Variants in CLDN11 observed in about 807,000 individuals in gnomAD.
CLDN11 encodes claudin-11.
A neutral mutation model predicts 18.0 loss-of-function variants in CLDN11; 1 was observed. The ratio of observed to expected loss-of-function variants is 0.06; its 90% CI spans 0.02 to 0.26. CLDN11 has a LOEUF of 0.26. Ranked by LOEUF, CLDN11 falls within the 10% of genes least tolerant of loss-of-function variation. The pLI is 1.00. For synonymous variants in CLDN11, 116 were observed against 121.5 expected, an observed-to-expected ratio of 0.96 and a Z score of 0.30; for missense variants, 172 against 276.6, an observed-to-expected ratio of 0.62 and a Z score of 2.68.
At chr3:170,429,724 T>C (rs1738949936) in intron 2 of CLDN11, among the ~76,000 whole-genome samples, 1 of 152,208 alleles carries the variant, frequency 6.6e-6, no homozygotes, top group Admixed American at 6.5e-5. Context: ...TAATCTTGTT[T>C]TATGATTTGC....
In CLDN11 at chr3:170,423,456, C is replaced by G. The variant is rs77953192; in HGVS notation, c.391+129C>G. 6.4e-4 allele frequency: 572 copies of G among 899,904 alleles called. No individual in the cohort carries two copies. In the African/African-American group the frequency reaches 8.7e-3, roughly 14 times the overall value. The allele number at this position is 899,904 out of a possible 1,614,324, so 55.7% of individuals were successfully genotyped here. On this transcript the variant is annotated intron_variant, in intron 2 of 2. Transcript: ENST00000064724. Reference sequence around the variant, plus strand: ...CCAAGTGAAGCCAGTGGGGGATGGACTCCCACAATCTGTATCCCTTTGTAT... The same window carrying G: ...CCAAGTGAAGCCAGTGGGGGATGGAGTCCCACAATCTGTATCCCTTTGTAT...
rs1253262184 is a variant in CLDN11, at chr3:170,423,759, G to A, written c.391+432G>A. 5 of 166,006 alleles carry A rather than the reference G, an allele frequency of 3.0e-5. No individual in the cohort carries two copies. The East Asian group carries it at 7.9e-4, about 26-fold the overall frequency. 10.3% of individuals were successfully genotyped at this position (166,006 alleles called of 1,614,324 possible). On this transcript the variant is annotated intron_variant, in intron 2 of 2. Transcript: ENST00000064724. ...GTGATGCTTATGTGCAGGCAAGACT[G>A]AGCAGCTCAGTTAATAAAGAAGGAG... is the stretch of plus-strand genomic sequence containing the variant.
Position 170,418,988 on chromosome 3 carries a change from G to A in CLDN11, c.-79G>A. ...CCAGCGGCTCGCGAGCGTGGGAGAC[G>A]TACCTGGGCAGGCACTGTCCAGCCC... is the stretch of plus-strand genomic sequence containing the variant. On this transcript the variant is annotated 5_prime_UTR_variant, in exon 1 of 3. Transcript: ENST00000064724. This position sits in a 1 kb window ranked among gnomAD's most constrained non-coding sequence, Gnocchi z 4.3. 1 of 1,077,878 alleles carries A rather than the reference G, an allele frequency of 9.3e-7. No homozygotes were observed. Among genetic ancestry groups the A allele is most frequent in the Admixed American group, 2.2e-5 (1 of 46,258 alleles). The allele number at this position is 1,077,878 out of a possible 1,614,324, so 66.8% of individuals were successfully genotyped here.
At chr3:170,426,827 G>T (rs1738865985) in intron 2 of CLDN11, among the ~76,000 whole-genome samples, 1 of 152,062 alleles carries the variant, frequency 6.6e-6, no homozygotes, top group South Asian at 2.1e-4. Context: ...TGTCGCCCAG[G>T]CTAGAGTGCA....
intron 1 of CLDN11, among the ~76,000 whole-genome samples, chr3:170,420,080 C>G (rs912781385): frequency 2.0e-5 from 3 of 152,154 alleles, no homozygotes; most frequent in Non-Finnish European, 2.9e-5. Flanking sequence ...GAGGGTCGCT[C>G]GCCGCCACCC....
chr3:170,425,880 A>G (rs918737662), intron 2 of CLDN11, among the ~76,000 whole-genome samples: 4 of 152,190 alleles, frequency 2.6e-5, no homozygotes, highest in Non-Finnish European at 5.9e-5. Flanking sequence ...TGTAAAGCTC[A>G]TTGTCTCAAG....
chr3:170,423,136 C>T, intron 1 of CLDN11, 27 bp from the exon 2 acceptor site: 1 of 1,613,874 alleles, frequency 6.2e-7, no homozygotes, highest in South Asian at 1.1e-5. Context: ...GTGGTCTAAC[C>T]TTTCCCATCT....
At chr3:170,426,431 C>T (rs1005689084) in intron 2 of CLDN11, among the ~76,000 whole-genome samples, 1 of 152,172 alleles carries the variant, frequency 6.6e-6, no homozygotes, top group African/African-American at 2.4e-5. Flanking sequence ...CTGTTTGTGG[C>T]TTTTCAAGAG....
At chr3:170,430,149 G>A (rs138979281) in intron 2 of CLDN11, among the ~76,000 whole-genome samples, 9 of 152,280 alleles carry the variant, frequency 5.9e-5, no homozygotes, top group Non-Finnish European at 8.8e-5. Flanking sequence ...GTATTGCTAC[G>A]GAAAATCTAC....
At chr3:170,422,149 A>G (rs1216225289) in intron 1 of CLDN11, among the ~76,000 whole-genome samples, 1 of 152,188 alleles carries the variant, frequency 6.6e-6, no homozygotes, top group Non-Finnish European at 1.5e-5. Flanking sequence ...GAGACAGCAA[A>G]GAGAGGAAGC....
intron 2 of CLDN11, among the ~76,000 whole-genome samples, chr3:170,428,956 C>T (rs1483432598): frequency 6.6e-6 from 1 of 152,154 alleles, no homozygotes; most frequent in Non-Finnish European, 1.5e-5. Flanking sequence ...CCAAACTCAT[C>T]TTTTTGGGTT....
Position 170,426,297 on chromosome 3 carries a change from C to T in CLDN11, c.391+2970C>T, listed in dbSNP as rs142032903. Among the ~76,000 whole-genome samples the T allele has an allele frequency of 3.7e-4, 57 of 152,262 alleles. 2 individuals are homozygous for T. In the South Asian group the frequency reaches 0.011, roughly 30 times the overall value. Reference sequence around the variant, plus strand: ...TACAACTTTATCTTCTCAGCAGTTACGTTTGATGGTGTGAGGATTTGGTTC... The same window carrying T: ...TACAACTTTATCTTCTCAGCAGTTATGTTTGATGGTGTGAGGATTTGGTTC... On this transcript the variant is annotated intron_variant, in intron 2 of 2. Transcript: ENST00000064724.
intron 2 of CLDN11, among the ~76,000 whole-genome samples, chr3:170,426,347 C>T (rs1738852960): frequency 6.6e-6 from 1 of 152,186 alleles, no homozygotes; most frequent in Admixed American, 6.5e-5. Context: ...GAAATAGGAG[C>T]CAGTTGCTTC....
intron 2 of CLDN11, 21 bp from the exon 3 acceptor site, chr3:170,432,503 C>T (rs201469287): frequency 7.8e-5 from 125 of 1,610,134 alleles, no homozygotes; most frequent in Non-Finnish European, 9.2e-5. Context: ...GCCCAGTCAC[C>T]GCCTCTCCAT....
intron 2 of CLDN11, among the ~76,000 whole-genome samples, chr3:170,425,379 AC>A (rs1738829167): frequency 1.3e-5 from 2 of 152,332 alleles, no homozygotes; most frequent in African/African-American, 4.8e-5. Flanking sequence ...AAGTGAGAGA[AC>A]ACACTAAAAC....
chr3:170,421,599 C>T (rs773325176), intron 1 of CLDN11, among the ~76,000 whole-genome samples: 3 of 152,114 alleles, frequency 2.0e-5, no homozygotes, highest in Non-Finnish European at 4.4e-5. Flanking sequence ...AGGCAGATGT[C>T]GGCTAGATTC....
chr3:170,432,908 T>G lies in CLDN11; in HGVS notation c.*152T>G. ...CTGTCTGGCATTTTGTAGTCTTAAC[T>G]TCTCCCCATTTCCCCCATCTTTTGG... On this transcript the variant is annotated 3_prime_UTR_variant, in exon 3 of 3. Transcript: ENST00000064724. 7 of 660,358 alleles carry G rather than the reference T, an allele frequency of 1.1e-5. 1 individual carries two copies. The South Asian group carries it at 1.3e-4, about 13-fold the overall frequency. 40.9% of individuals were successfully genotyped at this position (660,358 alleles called of 1,614,324 possible). A position where few individuals can be genotyped will look rare whatever the true frequency, so the allele number is the denominator to read the frequency against.
chr3:170,431,311 C>T (rs1297630840), intron 2 of CLDN11, among the ~76,000 whole-genome samples: 1 of 152,062 alleles, frequency 6.6e-6, no homozygotes, highest in African/African-American at 2.4e-5. Flanking sequence ...ACTGGCAGTG[C>T]AGTATCTGTC....
At chr3:170,420,214 C>G (rs1202749131) in intron 1 of CLDN11, among the ~76,000 whole-genome samples, 1 of 152,252 alleles carries the variant, frequency 6.6e-6, no homozygotes, top group Non-Finnish European at 1.5e-5. Context: ...CAGATTTAAA[C>G]CAATGGGTTG....
Sources: gnomAD v4.1 joint callset for allele counts (sites outside exome capture counted in the v4.1 genomes callset) on GRCh38, gnomAD v4.1.1 for gene constraint, Gnocchi (gnomAD v3.1) non-coding constraint, MANE v1.5 for transcripts, NCBI Gene and HGNC (gene_info 2026-07-23, HGNC 2026-07-21) for gene names.